The following SMCO4 variants were observed in gnomAD, a reference collection of about 807,000 sequenced individuals.
SMCO4 encodes the protein single-pass membrane protein with coiled-coil domains 4, also known as single-pass membrane and coiled-coil domain-containing protein 4.
Under a neutral mutation model 3.6 loss-of-function variants are expected in SMCO4, and 4 were observed. The observed-to-expected ratio is 1.11, with a 90% confidence interval of 0.54 to 2.53. The LOEUF is 2.53. Ranked by LOEUF, SMCO4 falls within the 30% of genes most tolerant of loss-of-function variation. The pLI is 0.02. For synonymous variants in SMCO4, 36 were observed against 35.3 expected, an observed-to-expected ratio of 1.02 and a Z score of -0.07; for missense variants, 70 against 80.8, an observed-to-expected ratio of 0.87 and a Z score of 0.51.
intron 1 of SMCO4, chr11:93,535,385 C>A: frequency 1.2e-6 from 1 of 806,746 alleles, no homozygotes; most frequent in Non-Finnish European, 2.0e-6. Flanking sequence ...CATCTACGAT[C>A]TCAGCAATAA....
the SMCO4 span, among the ~76,000 whole-genome samples, chr11:93,553,311 C>A: frequency 6.6e-6 from 1 of 152,296 alleles, no homozygotes; most frequent in East Asian, 1.9e-4. Flanking sequence ...GGTCTACAGG[C>A]AGCTTTGATC....
intron 2 of SMCO4, among the ~76,000 whole-genome samples, chr11:93,480,970 G>A (rs913098118): frequency 3.9e-5 from 6 of 152,074 alleles, no homozygotes; most frequent in African/African-American, 1.4e-4. Flanking sequence ...CAAACATTAA[G>A]GTTCAGCAAA....
chr11:93,481,837 A>G (rs1948595884), intron 2 of SMCO4, among the ~76,000 whole-genome samples: 1 of 152,118 alleles, frequency 6.6e-6, no homozygotes, highest in African/African-American at 2.4e-5. Flanking sequence ...GTCTCTCCCA[A>G]ATTCCTCACA....
chr11:93,514,411 T>TATATATAC (rs1948988772), intron 1 of SMCO4, among the ~76,000 whole-genome samples: 1 of 20,856 alleles, frequency 4.8e-5, no homozygotes, highest in Non-Finnish European at 1.5e-4. Context: ...TATATATATA[T>TATATATAC]ATATATATAT....
At position 93,479,258 on chromosome 11, in the gene SMCO4, G is replaced by A. The variant is rs1948563565; in HGVS notation, c.-69C>T. The A allele has an allele frequency of 6.4e-7, 1 of 1,563,696 alleles. No homozygotes were observed. The highest frequency in any genetic ancestry group is 1.4e-5 in the African/African-American group (1 of 73,698). On this transcript the variant is annotated 5_prime_UTR_variant, in exon 3 of 3. Coordinates refer to ENST00000298966, the MANE Select transcript of SMCO4 (RefSeq NM_020179.3). ...GGAAGGGCCACACTCCTCTTGCCAA[G>A]GCTGGAACCTCCTGTAGAGAGAACA...
chr11:93,509,679 G>A (rs1014399663), intron 1 of SMCO4, among the ~76,000 whole-genome samples: 1 of 152,198 alleles, frequency 6.6e-6, no homozygotes, highest in African/African-American at 2.4e-5. Context: ...AACCTGGACG[G>A]AACTGGAGAT....
At chr11:93,504,204 C>A (rs898729296) in intron 1 of SMCO4, among the ~76,000 whole-genome samples, 2 of 152,108 alleles carry the variant, frequency 1.3e-5, no homozygotes, top group South Asian at 4.1e-4. Context: ...ATCAAGAGGT[C>A]CAAAAACTCA....
intron 1 of SMCO4, among the ~76,000 whole-genome samples, chr11:93,541,196 AAATGTC>A (rs1287045074): frequency 6.6e-6 from 1 of 152,216 alleles, no homozygotes; most frequent in Admixed American, 6.5e-5. Context: ...TCAGCACCCA[AAATGTC>A]AAGGCCAGCT....
intron 1 of SMCO4, among the ~76,000 whole-genome samples, chr11:93,530,518 G>A (rs1459235681): frequency 2.6e-5 from 4 of 152,178 alleles, no homozygotes; most frequent in South Asian, 4.1e-4. Context: ...ACTTAGAAAA[G>A]TCCTCAATGA....
intron 1 of SMCO4, among the ~76,000 whole-genome samples, chr11:93,531,179 C>A (rs1949158226): frequency 1.3e-5 from 2 of 152,162 alleles, no homozygotes; most frequent in Non-Finnish European, 2.9e-5. Context: ...TTCATCTAAT[C>A]AAATGAAGAT....
At chr11:93,487,337 C>A (rs1020529337) in intron 2 of SMCO4, among the ~76,000 whole-genome samples, 2 of 152,190 alleles carry the variant, frequency 1.3e-5, no homozygotes, top group South Asian at 4.2e-4. Context: ...GGAACATATA[C>A]ATGAACAAAC....
upstream of SMCO4, among the ~76,000 whole-genome samples, chr11:93,547,059 T>C (rs544154769): frequency 6.6e-6 from 1 of 152,202 alleles, no homozygotes; most frequent in Non-Finnish European, 1.5e-5. Context: ...ACAAAAAAAT[T>C]TGGTGCACAT....
chr11:93,542,635 T>C (rs940213794), intron 1 of SMCO4, among the ~76,000 whole-genome samples: 3 of 152,058 alleles, frequency 2.0e-5, no homozygotes, highest in Non-Finnish European at 4.4e-5. Flanking sequence ...CACTGGGTCT[T>C]CAGATGCCAG....
intron 1 of SMCO4, among the ~76,000 whole-genome samples, chr11:93,536,760 C>T (rs1194280288): frequency 6.6e-6 from 1 of 152,126 alleles, no homozygotes; most frequent in South Asian, 2.1e-4. Flanking sequence ...CAGGAGAATA[C>T]ATTTACATAT....
At chr11:93,496,918 CTATGGGGAG>C (rs1415782921) in intron 2 of SMCO4, among the ~76,000 whole-genome samples, 1 of 152,158 alleles carries the variant, frequency 6.6e-6, no homozygotes, top group Admixed American at 6.5e-5. Flanking sequence ...AACGCTTACA[CTATGGGGAG>C]TAACCTGTTT....
At chr11:93,506,838 G>A (rs1020986379) in intron 1 of SMCO4, among the ~76,000 whole-genome samples, 2 of 152,202 alleles carry the variant, frequency 1.3e-5, no homozygotes, top group African/African-American at 4.8e-5. Flanking sequence ...GTAACAAAAT[G>A]TTAAGCGCAC....
upstream of SMCO4, among the ~76,000 whole-genome samples, chr11:93,545,270 T>C (rs1474224695): frequency 1.3e-5 from 2 of 152,150 alleles, no homozygotes; most frequent in Non-Finnish European, 2.9e-5. Flanking sequence ...ATAGTAGTAA[T>C]AACATAGATA....
chr11:93,528,863 G>A (rs1260488389), intron 1 of SMCO4, among the ~76,000 whole-genome samples: 1 of 152,144 alleles, frequency 6.6e-6, no homozygotes, highest in Admixed American at 6.5e-5. Context: ...ACAGCATGCC[G>A]CCTACTCAGA....
the SMCO4 span, among the ~76,000 whole-genome samples, chr11:93,553,935 C>T: frequency 6.6e-6 from 1 of 152,200 alleles, no homozygotes; most frequent in African/African-American, 2.4e-5. Flanking sequence ...CATCTTGGTT[C>T]CCAGCATTGC....
Sources: gnomAD v4.1 joint callset for allele counts (sites outside exome capture counted in the v4.1 genomes callset) on GRCh38, gnomAD v4.1.1 for gene constraint, MANE v1.5 for transcripts, NCBI Gene and HGNC (gene_info 2026-07-23, HGNC 2026-07-21) for gene names.